Variants in MAML2 observed in about 807,000 individuals in gnomAD.
The protein encoded by MAML2 is mastermind-like protein 2.
In MAML2, 22 loss-of-function variants were observed where a neutral mutation model predicts 96.1. The ratio of observed to expected loss-of-function variants is 0.23; its 90% CI spans 0.16 to 0.33. MAML2 has a LOEUF of 0.33. MAML2 is among the 10% of genes least tolerant of loss of function. MAML2 has a pLI of 1.00. For synonymous variants in MAML2, 561 were observed against 521.3 expected (o/e 1.08, Z -1.04); for missense variants, 1,367 against 1,392.4 (o/e 0.98, Z 0.29).
At chr11:96,299,059 A>ATGT (rs55986543) in intron 1 of MAML2, among the ~76,000 whole-genome samples, 1 of 59,202 alleles carries the variant, frequency 1.7e-5, no homozygotes, top group African/African-American at 6.7e-5. Flanking sequence ...AAAAAAAAAA[A>ATGT]AATATATATA....
intron 1 of MAML2, among the ~76,000 whole-genome samples, chr11:96,296,023 C>T (rs1227466525): frequency 6.6e-6 from 1 of 151,578 alleles, no homozygotes; most frequent in African/African-American, 2.4e-5. Flanking sequence ...GTATGCAGTA[C>T]ATTTTCTTTC....
At chr11:96,191,344 G>A (rs1861650333) in intron 1 of MAML2, among the ~76,000 whole-genome samples, 1 of 151,894 alleles carries the variant, frequency 6.6e-6, no homozygotes, top group Non-Finnish European at 1.5e-5. Context: ...CATGCCTGTA[G>A]TCCCAGCTAC....
intron 1 of MAML2, among the ~76,000 whole-genome samples, chr11:96,272,093 A>G (rs541576816): frequency 1.3e-5 from 2 of 152,254 alleles, no homozygotes; most frequent in South Asian, 2.1e-4. Flanking sequence ...TGAGGCTTCT[A>G]TAACCTTCCT....
chr11:96,315,733 A>ATAC (rs1491542427), intron 1 of MAML2, among the ~76,000 whole-genome samples: 1 of 152,202 alleles, frequency 6.6e-6, no homozygotes, highest in Non-Finnish European at 1.5e-5. Flanking sequence ...GTCCCTGAGG[A>ATAC]TACTTGGCTC....
chr11:96,082,346 G>T (rs890274294), intron 2 of MAML2, among the ~76,000 whole-genome samples: 8 of 152,196 alleles, frequency 5.3e-5, no homozygotes, highest in Non-Finnish European at 7.3e-5. Flanking sequence ...TATACTGAAA[G>T]GTTTGCACTG....
At chr11:96,336,168 G>GA (rs201204989) in intron 1 of MAML2, among the ~76,000 whole-genome samples, 1 of 152,032 alleles carries the variant, frequency 6.6e-6, no homozygotes, top group East Asian at 1.9e-4. Context: ...CCTGAACATG[G>GA]TCTAACTATA....
chr11:96,257,442 T>C (rs1258775502), intron 1 of MAML2, among the ~76,000 whole-genome samples: 3 of 152,250 alleles, frequency 2.0e-5, no homozygotes, highest in African/African-American at 7.2e-5. Flanking sequence ...TTACTATAAA[T>C]GAATAAACAA....
In MAML2 at chr11:96,341,473, A is replaced by G. The variant is rs1293358958; in HGVS notation, c.423T>C (p.Ser141=). The change falls in exon 1 of 5, where the codon AGT becomes AGC. Residue 141 remains serine, a synonymous_variant. Transcript: ENST00000524717. ...TCCCACCACTGCCACCATTATTGCT[A>G]CTGTTCAGCAGGTGCTGCTGGTGGT... ...HHHHQQHLLN[S]SNNGGSGGIN... 1 of 1,551,170 alleles carries G rather than the reference A, an allele frequency of 6.4e-7. No homozygotes were observed. Among genetic ancestry groups the G allele is most frequent in the Non-Finnish European group, 8.7e-7 (1 of 1,146,876 alleles).
chr11:96,250,780 C>T (rs529084815), intron 1 of MAML2, among the ~76,000 whole-genome samples: 8 of 152,270 alleles, frequency 5.3e-5, no homozygotes, highest in African/African-American at 1.7e-4. Context: ...GCTTTTTGGA[C>T]TGGCAAAACA....
At chr11:96,288,085 A>T (rs191835749) in intron 1 of MAML2, among the ~76,000 whole-genome samples, 1 of 152,212 alleles carries the variant, frequency 6.6e-6, no homozygotes, top group Non-Finnish European at 1.5e-5. Flanking sequence ...CTTGGAAACC[A>T]CCTGAAAAAC....
chr11:96,300,287 C>T (rs925357563), intron 1 of MAML2, among the ~76,000 whole-genome samples: 2 of 152,072 alleles, frequency 1.3e-5, no homozygotes, highest in Non-Finnish European at 1.5e-5. Context: ...TTGAAATCTG[C>T]CAGGATGATG....
At chr11:96,199,317 C>A (rs1289192172) in intron 1 of MAML2, among the ~76,000 whole-genome samples, 1 of 151,908 alleles carries the variant, frequency 6.6e-6, no homozygotes, top group Non-Finnish European at 1.5e-5. Flanking sequence ...AGGGAAGCCC[C>A]ATGATAAGGT....
intron 1 of MAML2, among the ~76,000 whole-genome samples, chr11:96,280,638 G>T (rs1416970452): frequency 1.3e-5 from 2 of 152,212 alleles, no homozygotes; most frequent in Non-Finnish European, 2.9e-5. Flanking sequence ...TCCCTAAGGT[G>T]AAAGACTCAC....
intron 1 of MAML2, among the ~76,000 whole-genome samples, chr11:96,293,311 G>A (rs903918555): frequency 6.6e-5 from 10 of 152,142 alleles, no homozygotes; most frequent in African/African-American, 2.4e-4. Context: ...ATAAGTGTGA[G>A]CCTGTGGCAG....
intron 2 of MAML2, among the ~76,000 whole-genome samples, chr11:96,047,402 G>A (rs1448149381): frequency 6.6e-6 from 1 of 152,018 alleles, no homozygotes; most frequent in African/African-American, 2.4e-5. Flanking sequence ...AATTCTCTAA[G>A]CTTCAGTATC....
chr11:96,220,043 T>G (rs1394777584), intron 1 of MAML2, among the ~76,000 whole-genome samples: 1 of 152,168 alleles, frequency 6.6e-6, no homozygotes, highest in Non-Finnish European at 1.5e-5. Flanking sequence ...AATGGTGGCA[T>G]GTTGTTATCA....
intron 1 of MAML2, among the ~76,000 whole-genome samples, chr11:96,290,130 G>A (rs1425626086): frequency 5.3e-5 from 8 of 152,128 alleles, no homozygotes; most frequent in African/African-American, 1.9e-4. Flanking sequence ...ATAAAATCAT[G>A]TGGAAATGTT....
chr11:96,062,794 G>A (rs1307637080), intron 2 of MAML2, among the ~76,000 whole-genome samples: 1 of 152,066 alleles, frequency 6.6e-6, no homozygotes, highest in Non-Finnish European at 1.5e-5. Flanking sequence ...CTAGAATTTT[G>A]TACCTAAGAA....
intron 1 of MAML2, among the ~76,000 whole-genome samples, chr11:96,146,354 A>G (rs973232154): frequency 6.6e-6 from 1 of 152,216 alleles, no homozygotes; most frequent in African/African-American, 2.4e-5. Context: ...CAGTCTGGCT[A>G]TATGTACTCA....
Sources: allele counts gnomAD v4.1 joint callset (sites outside exome capture counted in the v4.1 genomes callset), GRCh38; gene constraint gnomAD v4.1.1; transcripts MANE v1.5; gene names NCBI Gene and HGNC (gene_info 2026-07-23, HGNC 2026-07-21).